The following KCNQ1 variants were observed in gnomAD, a reference collection of about 807,000 sequenced individuals.
KCNQ1 encodes the protein potassium voltage-gated channel subfamily KQT member 1.
Under a neutral mutation model 72.4 loss-of-function variants are expected in KCNQ1, and 49 were observed. The ratio of observed to expected loss-of-function variants is 0.68; its 90% CI spans 0.54 to 0.86. KCNQ1 has a LOEUF of 0.86. Among genes scored for constraint, KCNQ1 ranks in the 40% least tolerant of loss-of-function variants. The pLI is 0.00. For synonymous variants in KCNQ1, 450 were observed against 412.6 expected (o/e 1.09, Z -1.10); for missense variants, 790 against 945.1 (o/e 0.84, Z 2.15).
At chr11:2,496,852 T>A (rs887831160) in intron 1 of KCNQ1, among the ~76,000 whole-genome samples, 1 of 102,634 alleles carries the variant, frequency 9.7e-6, no homozygotes, top group Non-Finnish European at 2.1e-5. Flanking sequence ...TAGTGCTTCC[T>A]TCAGGAGCTC....
chr11:2,649,919 C>T (rs1181808597), intron 10 of KCNQ1: 17 of 398,292 alleles, frequency 4.3e-5, no homozygotes, highest in Non-Finnish European at 6.2e-5. Context: ...CTGGAACTCC[C>T]AAAATGTGAA....
chr11:2,777,958 G>A lies in KCNQ1; in HGVS notation c.1733-18G>A. ...ACCCCAGCACTTGGCCCTGATTTGG[G>A]TGTTTTATCCCCCATAGAAAAGAGC... is the stretch of plus-strand genomic sequence containing the variant. On this transcript the variant is annotated intron_variant, in intron 14 of 15. Transcript: ENST00000155840. 1 of 1,613,540 alleles carries A rather than the reference G, an allele frequency of 6.2e-7. No homozygotes were observed. The highest frequency in any genetic ancestry group is 2.2e-5 in the East Asian group (1 of 44,884).
intron 11 of KCNQ1, among the ~76,000 whole-genome samples, chr11:2,756,635 G>A (rs1180660672): frequency 6.6e-6 from 1 of 151,960 alleles, no homozygotes; most frequent in African/African-American, 2.4e-5. Flanking sequence ...TGTTTTTGTA[G>A]AGATGTGGTT....
intron 2 of KCNQ1, among the ~76,000 whole-genome samples, chr11:2,570,104 C>T (rs1461199758): frequency 3.3e-5 from 5 of 151,976 alleles, no homozygotes; most frequent in African/African-American, 1.2e-4. Context: ...GGGTTCCTGG[C>T]GTGGGACCCC....
chr11:2,686,875 G>T (rs539845697), intron 11 of KCNQ1: 6 of 398,638 alleles, frequency 1.5e-5, no homozygotes, highest in African/African-American at 1.0e-4. Flanking sequence ...GTTTGTGTCT[G>T]CCCAGTGACC....
rs1479920358 is a variant in KCNQ1 at position 2,748,658 on chromosome 11, C to A, written c.1515-20186C>A. 6.6e-6 allele frequency among the ~76,000 whole-genome samples: 1 copy of A among 152,212 alleles called. No homozygotes were observed. Among genetic ancestry groups the A allele is most frequent in the East Asian group, 1.9e-4 (1 of 5,192 alleles). ...CCACCCAGAGCCCACAGCAGGGACTCCCCACGCCAGGCCCGGCTGGATCAC... is the reference window on the plus strand; with the variant it reads ...CCACCCAGAGCCCACAGCAGGGACTACCCACGCCAGGCCCGGCTGGATCAC... On this transcript the variant is annotated intron_variant, in intron 11 of 15. Coordinates refer to ENST00000155840, the MANE Select transcript of KCNQ1 (RefSeq NM_000218.3). The surrounding 1 kb of genome is among the most constrained non-coding windows in gnomAD (Gnocchi z 6.2).
At chr11:2,705,022 C>T (rs1041574770) in intron 11 of KCNQ1, among the ~76,000 whole-genome samples, 3 of 152,044 alleles carry the variant, frequency 2.0e-5, no homozygotes, top group Admixed American at 6.5e-5. Flanking sequence ...TACCCAAGGC[C>T]CAGGGAGAGG....
chr11:2,678,309 A>AT lies in KCNQ1; in HGVS notation c.1514+16234dup, dbSNP rs747401229. 7.5e-6 allele frequency: 3 copies of AT among 398,256 alleles called. No homozygotes were observed. The highest frequency in any genetic ancestry group is 3.6e-5 in the East Asian group (1 of 28,016). The allele number at this position is 398,256 out of a possible 1,614,324, so 24.7% of individuals were successfully genotyped here. A position where few individuals can be genotyped will look rare whatever the true frequency, so the allele number is the denominator to read the frequency against. On this transcript the variant is annotated intron_variant, in intron 11 of 15. Transcript: ENST00000155840. The surrounding 1 kb of genome is among the most constrained non-coding windows in gnomAD (Gnocchi z 4.9). The stretch of plus-strand genomic sequence containing the variant: ...AAATTCTTCCATGTTTTCTTCTATC[A>AT]TTTTTTATTTCATTTTTTACATTTA...
At chr11:2,589,679 G>A (rs1406144775) in intron 10 of KCNQ1, among the ~76,000 whole-genome samples, 1 of 152,190 alleles carries the variant, frequency 6.6e-6, no homozygotes, top group East Asian at 1.9e-4. Flanking sequence ...GTGTCTGGTT[G>A]TGGCCCCCCC....
intron 10 of KCNQ1, chr11:2,656,504 G>C (rs1008842663): frequency 2.5e-6 from 1 of 398,680 alleles, no homozygotes; most frequent in African/African-American, 2.1e-5. Flanking sequence ...ATGAGCTCCT[G>C]AGTTTATTTA....
chr11:2,581,572 C>T (rs1222994477), intron 6 of KCNQ1, among the ~76,000 whole-genome samples: 3 of 152,236 alleles, frequency 2.0e-5, no homozygotes, highest in African/African-American at 7.2e-5. Context: ...GACCTGGCTG[C>T]GCTCCGTGTG....
chr11:2,542,826 G>A lies in KCNQ1; in HGVS notation c.477+14808G>A, dbSNP rs1420784831. ...CCATTGTACGGACGCATTGCAGTCT[G>A]TTTATCCACTTGTGTGCTGGCGGAC... On this transcript the variant is annotated intron_variant, in intron 2 of 15. Coordinates refer to ENST00000155840, the MANE Select transcript of KCNQ1 (RefSeq NM_000218.3). Among the ~76,000 whole-genome samples, 9 of 152,340 alleles carry A rather than the reference G, an allele frequency of 5.9e-5. No individual in the cohort carries two copies. The East Asian group carries it at 1.7e-3, about 29-fold the overall frequency.
At chr11:2,521,040 A>T (rs377279603) in intron 1 of KCNQ1, among the ~76,000 whole-genome samples, 1 of 59,746 alleles carries the variant, frequency 1.7e-5, no homozygotes, top group Non-Finnish European at 3.7e-5. Flanking sequence ...TGTTTGCTTT[A>T]AAAAAAGTTT....
At chr11:2,823,495 G>A (rs1170694357) in intron 15 of KCNQ1, among the ~76,000 whole-genome samples, 2 of 152,178 alleles carry the variant, frequency 1.3e-5, no homozygotes, top group East Asian at 3.9e-4. Flanking sequence ...GAAAAGGAAG[G>A]CACCAACAAC....
chr11:2,575,895 C>T (rs1036265695), intron 6 of KCNQ1, among the ~76,000 whole-genome samples: 8 of 152,212 alleles, frequency 5.3e-5, no homozygotes, highest in South Asian at 4.1e-4. Flanking sequence ...GGCCAGAGCC[C>T]GAAGCGAGGT....
In KCNQ1 at chr11:2,563,170, A is replaced by G. The variant is rs1375422445; in HGVS notation, c.478-7458A>G. ...TGTGGTTCCAGCAGCATGGAACTTC[A>G]AAACACATTGAACCCCAGAAAATCT... On this transcript the variant is annotated intron_variant, in intron 2 of 15. Transcript: ENST00000155840. The surrounding 1 kb of genome is among the most constrained non-coding windows in gnomAD (Gnocchi z 7.4). 6.6e-6 allele frequency among the ~76,000 whole-genome samples: 1 copy of G among 152,186 alleles called. No individual in the cohort carries two copies. The highest frequency in any genetic ancestry group is 1.9e-4 in the East Asian group (1 of 5,192).
chr11:2,723,259 C>T lies in KCNQ1; in HGVS notation c.1515-45585C>T, dbSNP rs982810161. Among the ~76,000 whole-genome samples, 1 of 152,236 alleles carries T rather than the reference C, an allele frequency of 6.6e-6. No homozygotes were observed. Among genetic ancestry groups the T allele is most frequent in the Admixed American group, 6.5e-5 (1 of 15,290 alleles). On this transcript the variant is annotated intron_variant, in intron 11 of 15. Transcript: ENST00000155840. This position sits in a 1 kb window ranked among gnomAD's most constrained non-coding sequence, Gnocchi z 4.2. ...ACTCCCTGCCGCCCTGGACAAGGTG[C>T]CCACGGCCCTGTCCCATTTACCGTT... is the stretch of plus-strand genomic sequence containing the variant.
chr11:2,726,048 GA>G (rs1236794528), intron 11 of KCNQ1, among the ~76,000 whole-genome samples: 1 of 152,252 alleles, frequency 6.6e-6, no homozygotes, highest in Non-Finnish European at 1.5e-5. Context: ...CTCCGGCAGA[GA>G]AGGGGCCCCA....
At chr11:2,520,839 T>C (rs1847370622) in intron 1 of KCNQ1, among the ~76,000 whole-genome samples, 1 of 152,090 alleles carries the variant, frequency 6.6e-6, no homozygotes, top group African/African-American at 2.4e-5. Context: ...TAAGCGTCAA[T>C]ATTTAATCTC....
Sources: gnomAD v4.1 joint callset for allele counts (sites outside exome capture counted in the v4.1 genomes callset) on GRCh38, gnomAD v4.1.1 for gene constraint, Gnocchi (gnomAD v3.1) non-coding constraint, MANE v1.5 for transcripts, NCBI Gene and HGNC (gene_info 2026-07-23, HGNC 2026-07-21) for gene names.